The following ENOX1 variants were observed in gnomAD, a reference collection of about 807,000 sequenced individuals.
The protein encoded by ENOX1 is ecto-NOX disulfide-thiol exchanger 1, also known as candidate growth-related and time keeping constitutive hydroquinone (NADH) oxidase.
ENOX1 carries 42 observed loss-of-function variants against 82.5 expected under a neutral mutation model. That is an observed-to-expected ratio of 0.51 (90% CI 0.40 to 0.66). The LOEUF (loss-of-function observed/expected upper bound fraction) is 0.66, where lower values mean the gene tolerates loss of function less well. ENOX1 is among the 30% of genes least tolerant of loss of function. ENOX1 has a pLI of 0.00. For missense variants in ENOX1, 608 were observed against 811.6 expected (o/e 0.75, Z 3.05); for synonymous variants, 271 against 282.2 (o/e 0.96, Z 0.40).
At chr13:43,559,524 A>G (rs1233070117) in intron 2 of ENOX1, among the ~76,000 whole-genome samples, 1 of 152,184 alleles carries the variant, frequency 6.6e-6, no homozygotes, top group Non-Finnish European at 1.5e-5. Flanking sequence ...CAGGCAGATT[A>G]GATGACTTCT....
At chr13:43,399,889 C>A (rs2053393101) in intron 5 of ENOX1, among the ~76,000 whole-genome samples, 7 of 152,102 alleles carry the variant, frequency 4.6e-5, no homozygotes. Flanking sequence ...TCTTTCCAAC[C>A]CTCTGCTTGC....
chr13:43,273,570 T>G (rs9594919), intron 12 of ENOX1, among the ~76,000 whole-genome samples: 3,420 of 152,222 alleles, frequency 0.022, 129 homozygotes, highest in African/African-American at 0.078. Flanking sequence ...CAAGATCAAC[T>G]CAGATGATGC....
intron 5 of ENOX1, among the ~76,000 whole-genome samples, chr13:43,405,794 C>T (rs192656989): frequency 2.2e-4 from 33 of 152,322 alleles, no homozygotes; most frequent in African/African-American, 7.2e-4. Flanking sequence ...CTTTCCACAC[C>T]CCCATCAGTC....
At chr13:43,704,067 T>C (rs919396864) in intron 1 of ENOX1, among the ~76,000 whole-genome samples, 1 of 151,554 alleles carries the variant, frequency 6.6e-6, no homozygotes. Flanking sequence ...AAGACACCGA[T>C]AGAGAAAAAT....
intron 9 of ENOX1, among the ~76,000 whole-genome samples, chr13:43,339,322 T>C (rs536416954): frequency 3.3e-4 from 51 of 152,316 alleles, no homozygotes; most frequent in African/African-American, 1.2e-3. Flanking sequence ...CCTTTCCAAA[T>C]GAAAGCAAGA....
At chr13:43,319,770 A>G (rs1447073872) in intron 11 of ENOX1, among the ~76,000 whole-genome samples, 1 of 152,176 alleles carries the variant, frequency 6.6e-6, no homozygotes, top group African/African-American at 2.4e-5. Flanking sequence ...GGAGGTCTGA[A>G]GCAAAATCCC....
chr13:43,708,791 G>T (rs2087492251), intron 1 of ENOX1, among the ~76,000 whole-genome samples: 1 of 152,002 alleles, frequency 6.6e-6, no homozygotes, highest in African/African-American at 2.4e-5. Context: ...ATATAAAGCT[G>T]ATAGAAGAAA....
At chr13:43,766,983 T>C (rs879394912) in intron 1 of ENOX1, among the ~76,000 whole-genome samples, 32 of 152,178 alleles carry the variant, frequency 2.1e-4, no homozygotes, top group Non-Finnish European at 4.1e-4. Flanking sequence ...AATTGCCCAA[T>C]TGAAAATAAC....
At chr13:43,445,249 A>T (rs369858881) in intron 3 of ENOX1, among the ~76,000 whole-genome samples, 1 of 150,158 alleles carries the variant, frequency 6.7e-6, no homozygotes, top group African/African-American at 2.5e-5. Flanking sequence ...TCAGCCTCCC[A>T]AGTAGCTGGG....
At chr13:43,684,051 G>A (rs1217034221) in intron 1 of ENOX1, among the ~76,000 whole-genome samples, 4 of 131,326 alleles carry the variant, frequency 3.0e-5, no homozygotes, top group Admixed American at 2.7e-4. Flanking sequence ...AGCAGAGATC[G>A]CGCCACTGTA....
At chr13:43,740,272 G>C (rs1354801179) in intron 1 of ENOX1, among the ~76,000 whole-genome samples, 1 of 152,098 alleles carries the variant, frequency 6.6e-6, no homozygotes, top group Non-Finnish European at 1.5e-5. Context: ...ACCACTGGAA[G>C]GACTTTGCAT....
chr13:43,623,092 G>A (rs2082811400), intron 2 of ENOX1, among the ~76,000 whole-genome samples: 1 of 152,150 alleles, frequency 6.6e-6, no homozygotes, highest in Non-Finnish European at 1.5e-5. Flanking sequence ...CGAAGGGCCA[G>A]TCTCACTGCC....
At chr13:43,379,816 A>C (rs2051903292) in intron 5 of ENOX1, among the ~76,000 whole-genome samples, 3 of 152,074 alleles carry the variant, frequency 2.0e-5, no homozygotes, top group Non-Finnish European at 2.9e-5. Flanking sequence ...AAACTCGAGA[A>C]TAGAAGGCAC....
At position 43,412,979 on chromosome 13, in the gene ENOX1, T is replaced by C; in HGVS notation, c.-65A>G. The C allele has an allele frequency of 6.3e-7, 1 of 1,585,888 alleles. No individual in the cohort carries two copies. The highest frequency in any genetic ancestry group is 1.8e-5 in the Admixed American group (1 of 56,144). On this transcript the variant is annotated 5_prime_UTR_variant, in exon 4 of 17. Coordinates refer to ENST00000690772, the MANE Select transcript of ENOX1 (RefSeq NM_001347969.2). ...GCTGAGTGCAGGGTCCCCTCGGAGG[T>C]CATCAGATTCTGCAAAACGGGACAG... is the stretch of plus-strand genomic sequence containing the variant.
intron 2 of ENOX1, among the ~76,000 whole-genome samples, chr13:43,586,462 C>A (rs1458675176): frequency 6.6e-6 from 1 of 152,164 alleles, no homozygotes; most frequent in African/African-American, 2.4e-5. Flanking sequence ...AACTGACAAA[C>A]CCCTAAATAT....
chr13:43,351,056 A>G (rs1306833944), intron 8 of ENOX1, among the ~76,000 whole-genome samples: 3 of 152,242 alleles, frequency 2.0e-5, no homozygotes, highest in Non-Finnish European at 4.4e-5. Context: ...TTCTGGCTCC[A>G]AAGATAGCTG....
intron 2 of ENOX1, among the ~76,000 whole-genome samples, chr13:43,622,481 T>G (rs2082779866): frequency 6.6e-6 from 1 of 152,226 alleles, no homozygotes; most frequent in Non-Finnish European, 1.5e-5. Context: ...TGGATGTGGC[T>G]TCCTGTGAGC....
chr13:43,514,425 T>C (rs1420658838), intron 2 of ENOX1, among the ~76,000 whole-genome samples: 1 of 152,148 alleles, frequency 6.6e-6, no homozygotes, highest in African/African-American at 2.4e-5. Flanking sequence ...TTTTTCTAAG[T>C]CCACCCTTTC....
chr13:43,713,124 G>A (rs539338949), intron 1 of ENOX1, among the ~76,000 whole-genome samples: 28 of 152,214 alleles, frequency 1.8e-4, no homozygotes, highest in South Asian at 2.1e-4. Flanking sequence ...TAGCATGAAG[G>A]GTTGTTGAAT....
Sources: allele counts gnomAD v4.1 joint callset (sites outside exome capture counted in the v4.1 genomes callset), GRCh38; gene constraint gnomAD v4.1.1; transcripts MANE v1.5; gene names NCBI Gene and HGNC (gene_info 2026-07-23, HGNC 2026-07-21).